Variants in CCDC3 observed in about 807,000 individuals in gnomAD.
CCDC3 encodes coiled-coil domain containing 3.
In CCDC3, 24 loss-of-function variants were observed where a neutral mutation model predicts 21.4. The observed-to-expected ratio is 1.12, with a 90% CI of 0.81 to 1.58. The LOEUF (loss-of-function observed/expected upper bound fraction) is 1.58. CCDC3 is among the 40% of genes most tolerant of loss of function. CCDC3 has a pLI of 0.00. For synonymous variants in CCDC3, 186 were observed against 166.0 expected (o/e 1.12, Z -0.93); for missense variants, 425 against 360.9 (o/e 1.18, Z -1.44).
At chr10:12,912,514 C>A (rs185620402) in intron 2 of CCDC3, among the ~76,000 whole-genome samples, 2 of 152,218 alleles carry the variant, frequency 1.3e-5, no homozygotes, top group South Asian at 4.1e-4. Context: ...TGGTTATTAA[C>A]CCCTTATCAG....
chr10:12,922,394 T>G (rs1834466844), intron 2 of CCDC3, among the ~76,000 whole-genome samples: 1 of 152,080 alleles, frequency 6.6e-6, no homozygotes, highest in Non-Finnish European at 1.5e-5. Flanking sequence ...AGAAGATGCT[T>G]TGGAACCACT....
At chr10:12,921,477 TCTCA>T (rs1834449447) in intron 2 of CCDC3, among the ~76,000 whole-genome samples, 1 of 152,202 alleles carries the variant, frequency 6.6e-6, no homozygotes, top group African/African-American at 2.4e-5. Context: ...GGAAGCTCTG[TCTCA>T]CTGTCACACT....
At chr10:12,939,867 T>C (rs962287986) in intron 2 of CCDC3, among the ~76,000 whole-genome samples, 1 of 152,244 alleles carries the variant, frequency 6.6e-6, no homozygotes, top group African/African-American at 2.4e-5. Flanking sequence ...AATGATTTAA[T>C]AAAAATTTCA....
chr10:12,987,819 A>G (rs556770783), intron 2 of CCDC3, among the ~76,000 whole-genome samples: 1 of 152,318 alleles, frequency 6.6e-6, no homozygotes, highest in Non-Finnish European at 1.5e-5. Flanking sequence ...ATCAAAGACA[A>G]ATTGGAAGAA....
At chr10:13,035,813 G>A (rs1310540700) in intron 5 of CCDC3, among the ~76,000 whole-genome samples, 1 of 152,170 alleles carries the variant, frequency 6.6e-6, no homozygotes, top group Non-Finnish European at 1.5e-5. Flanking sequence ...CCTCTAGGGA[G>A]AGAAGCAAAA....
At chr10:13,067,006 G>C (rs1347199428) in intron 4 of CCDC3, among the ~76,000 whole-genome samples, 1 of 152,150 alleles carries the variant, frequency 6.6e-6, no homozygotes, top group Non-Finnish European at 1.5e-5. Flanking sequence ...GCAACATTTT[G>C]GCTCCTAGGT....
intron 2 of CCDC3, among the ~76,000 whole-genome samples, chr10:12,908,281 T>C (rs1487922854): frequency 6.6e-6 from 1 of 152,258 alleles, no homozygotes; most frequent in Non-Finnish European, 1.5e-5. Context: ...TCCTCTGTGA[T>C]GTAACACTTA....
chr10:12,990,682 G>C (rs1835668059), intron 2 of CCDC3, among the ~76,000 whole-genome samples: 1 of 152,108 alleles, frequency 6.6e-6, no homozygotes, highest in Admixed American at 6.5e-5. Flanking sequence ...TCCCCCATCA[G>C]ATCAATAGTG....
chr10:13,001,157 C>A, intron 1 of CCDC3, 40 bp downstream of exon 1: 1 of 1,480,110 alleles, frequency 6.8e-7, no homozygotes, highest in Non-Finnish European at 9.1e-7. Context: ...GGAGGTGGCG[C>A]AGAGAGAGAG....
At chr10:13,059,587 A>G (rs899798239) in intron 4 of CCDC3, among the ~76,000 whole-genome samples, 1 of 152,202 alleles carries the variant, frequency 6.6e-6, no homozygotes, top group African/African-American at 2.4e-5. Flanking sequence ...GTTAACACCC[A>G]AATTCACAGT....
At chr10:12,961,445 A>G (rs1389905835) in intron 2 of CCDC3, among the ~76,000 whole-genome samples, 1 of 152,220 alleles carries the variant, frequency 6.6e-6, no homozygotes, top group Non-Finnish European at 1.5e-5. Context: ...GGGTGGAGGG[A>G]AAAAAATCTT....
chr10:13,086,947 C>T (rs972121248), intron 3 of CCDC3, among the ~76,000 whole-genome samples: 5 of 152,208 alleles, frequency 3.3e-5, no homozygotes, highest in African/African-American at 1.2e-4. Flanking sequence ...AAAGGGGCTG[C>T]AGATTCATCT....
At chr10:12,934,045 A>C (rs1338746204) in intron 2 of CCDC3, among the ~76,000 whole-genome samples, 1 of 152,026 alleles carries the variant, frequency 6.6e-6, no homozygotes, top group Non-Finnish European at 1.5e-5. Flanking sequence ...CTGATATTAG[A>C]TCTTTCTTCT....
At chr10:12,974,866 T>A (rs974619222) in intron 2 of CCDC3, among the ~76,000 whole-genome samples, 1 of 152,226 alleles carries the variant, frequency 6.6e-6, no homozygotes, top group African/African-American at 2.4e-5. Context: ...TCCTCTGGTT[T>A]CATCGTTGAA....
chr10:13,095,317 G>A (rs1483014305), intron 3 of CCDC3, among the ~76,000 whole-genome samples: 6 of 152,146 alleles, frequency 3.9e-5, no homozygotes, highest in Non-Finnish European at 2.9e-5. Flanking sequence ...GATTCATGCA[G>A]CGACCACACC....
chr10:12,926,155 C>A (rs115948723), intron 2 of CCDC3, among the ~76,000 whole-genome samples: 1,878 of 152,302 alleles, frequency 0.012, 60 homozygotes, highest in African/African-American at 0.043. Context: ...GGAGCAGAAA[C>A]CAAAGGATCC....
At chr10:13,027,885 C>T (rs1361797909) in intron 5 of CCDC3, among the ~76,000 whole-genome samples, 1 of 152,114 alleles carries the variant, frequency 6.6e-6, no homozygotes, top group Admixed American at 6.6e-5. Context: ...CATAGTTACA[C>T]ATGGAAAATG....
In CCDC3 at chr10:13,052,562, T is replaced by C. The variant is rs114697984; in HGVS notation, c.-269-2621A>G. On this transcript the variant is annotated intron_variant, in intron 4 of 6. Coordinates refer to the CCDC3 transcript ENST00000378839. ...CACAAGGAGATCTGCTGTACAATGCTGCACCTATCGCTAACGATACTGTCT... is the reference window on the plus strand; with the variant it reads ...CACAAGGAGATCTGCTGTACAATGCCGCACCTATCGCTAACGATACTGTCT... 5.1e-3 allele frequency among the ~76,000 whole-genome samples: 772 copies of C among 152,330 alleles called. 5 individuals are homozygous for C. The highest frequency in any genetic ancestry group is 0.018 in the African/African-American group (733 of 41,582).
chr10:12,995,630 T>C (rs1256177485), intron 2 of CCDC3, among the ~76,000 whole-genome samples: 1 of 152,196 alleles, frequency 6.6e-6, no homozygotes, highest in Non-Finnish European at 1.5e-5. Context: ...TCTGGAAACG[T>C]GCAGAGTCCC....
Sources: gnomAD v4.1 joint callset for allele counts (sites outside exome capture counted in the v4.1 genomes callset) on GRCh38, gnomAD v4.1.1 for gene constraint, MANE v1.5 for transcripts, NCBI Gene and HGNC (gene_info 2026-07-23, HGNC 2026-07-21) for gene names.